The following IQCH variants were observed in gnomAD, a reference collection of about 807,000 sequenced individuals.
IQCH encodes IQ domain-containing protein H.
In IQCH, 98 loss-of-function variants were observed where a neutral mutation model predicts 117.0. The ratio of observed to expected loss-of-function variants is 0.84; its 90% CI spans 0.71 to 0.99. The LOEUF (loss-of-function observed/expected upper bound fraction) is 0.99. Among genes scored for constraint, IQCH ranks in the 50% least tolerant of loss-of-function variants. The probability of loss-of-function intolerance (pLI) is 0.00; values close to 1 mark genes in which losing one functional copy is unlikely to be tolerated. For missense variants in IQCH, 1,102 were observed against 1,243.8 expected, an observed-to-expected ratio of 0.89 and a Z score of 1.72; for synonymous variants, 412 against 448.2, an observed-to-expected ratio of 0.92 and a Z score of 1.02.
chr15:67,283,618 G>A (rs762805218), intron 4 of IQCH, among the ~76,000 whole-genome samples: 4 of 151,696 alleles, frequency 2.6e-5, no homozygotes, highest in African/African-American at 4.8e-5. Context: ...AAAGTAAGTG[G>A]GAAATATCTT....
rs909212282 is a variant in IQCH at position 67,457,890 on chromosome 15, C to T, written c.2506-7237C>T. The stretch of plus-strand genomic sequence containing the variant: ...TTTCCCCTACCAAGCTGCCCCTGTC[C>T]TTCTCCACCTTACTGCATCTTAGCC... On this transcript the variant is annotated intron_variant, in intron 16 of 20. Coordinates refer to ENST00000335894, the MANE Select transcript of IQCH (RefSeq NM_001031715.3). The surrounding 1 kb of genome is among the most constrained non-coding windows in gnomAD (Gnocchi z 5.7). Among the ~76,000 whole-genome samples the T allele has an allele frequency of 6.6e-6, 1 of 152,200 alleles. No individual in the cohort carries two copies. Among genetic ancestry groups the T allele is most frequent in the Admixed American group, 6.5e-5 (1 of 15,280 alleles).
At position 67,443,413 on chromosome 15, in the gene IQCH, TGGGGACTTGG is replaced by T. The variant is rs2082325613; in HGVS notation, c.2506-21710_2506-21701del. On this transcript the variant is annotated intron_variant, in intron 16 of 20. Coordinates refer to ENST00000335894, the MANE Select transcript of IQCH (RefSeq NM_001031715.3). This position sits in a 1 kb window ranked among gnomAD's most constrained non-coding sequence, Gnocchi z 5.0. ...GGCATAAGAATGATACAATCGACTTTGGGGACTTGGGGGAAAGAGTGGGAGGGGGTGAGGG... is the reference window on the plus strand; with the variant it reads ...GGCATAAGAATGATACAATCGACTTTGGGAAAGAGTGGGAGGGGGTGAGGG... 6.6e-6 allele frequency among the ~76,000 whole-genome samples: 1 copy of T among 152,028 alleles called. No homozygotes were observed. The highest frequency in any genetic ancestry group is 1.5e-5 in the Non-Finnish European group (1 of 68,018).
Position 67,388,711 on chromosome 15 carries a change from C to A in IQCH, c.1457-120C>A. On this transcript the variant is annotated intron_variant, in intron 11 of 20. Coordinates refer to ENST00000335894, the MANE Select transcript of IQCH (RefSeq NM_001031715.3). This position sits in a 1 kb window ranked among gnomAD's most constrained non-coding sequence, Gnocchi z 5.5. ...ATAGTACAAAACCAAACTAAATTAA[C>A]CTTAACCTGGGTTTTGGATATGCTC... 1.2e-6 allele frequency: 1 copy of A among 827,454 alleles called. No homozygotes were observed. Among genetic ancestry groups the A allele is most frequent in the East Asian group, 2.5e-5 (1 of 39,280 alleles). The allele number at this position is 827,454 out of a possible 1,614,324, so 51.3% of individuals were successfully genotyped here. A position where few individuals can be genotyped will look rare whatever the true frequency, so the allele number is the denominator to read the frequency against.
intron 16 of IQCH, among the ~76,000 whole-genome samples, chr15:67,428,763 C>T (rs1223616324): frequency 6.6e-6 from 1 of 151,074 alleles, no homozygotes; most frequent in African/African-American, 2.4e-5. Flanking sequence ...GCAGGAGAAT[C>T]GCTTGAACCC....
intron 6 of IQCH, among the ~76,000 whole-genome samples, chr15:67,350,160 A>C (rs1455457263): frequency 6.6e-6 from 1 of 152,260 alleles, no homozygotes; most frequent in Non-Finnish European, 1.5e-5. Flanking sequence ...ATTGAGGTAC[A>C]TCCATACAAT....
chr15:67,477,993 A>C (rs1042041673), intron 18 of IQCH, among the ~76,000 whole-genome samples: 5 of 152,214 alleles, frequency 3.3e-5, no homozygotes, highest in Non-Finnish European at 7.3e-5. Flanking sequence ...CAGATTTTAT[A>C]GGGGAAACAG....
rs1239293747 is a variant in IQCH, at chr15:67,454,752, TTAA to T, written c.2506-10369_2506-10367del. Among the ~76,000 whole-genome samples, 1 of 152,274 alleles carries T rather than the reference TTAA, an allele frequency of 6.6e-6. No individual in the cohort carries two copies. The highest frequency in any genetic ancestry group is 2.4e-5 in the African/African-American group (1 of 41,474). On this transcript the variant is annotated intron_variant, in intron 16 of 20. Coordinates refer to ENST00000335894, the MANE Select transcript of IQCH (RefSeq NM_001031715.3). This position sits in a 1 kb window ranked among gnomAD's most constrained non-coding sequence, Gnocchi z 5.2. ...TCAATGCTTTGTTCCTTTTCATGGC[TTAA>T]TAATATCCCATTGTACGGCTATACC...
At chr15:67,326,258 G>A (rs4133922) in intron 4 of IQCH, among the ~76,000 whole-genome samples, 101,594 of 151,944 alleles carry the variant, frequency 0.67, 34,695 homozygotes, top group Middle Eastern at 0.83. Flanking sequence ...CAGAATCATG[G>A]TTTCCAGCTT....
intron 8 of IQCH, 155 bp downstream of exon 8, chr15:67,360,040 G>GA: frequency 7.1e-6 from 4 of 562,422 alleles, no homozygotes; most frequent in Non-Finnish European, 6.3e-6. Context: ...CATGGTTTCA[G>GA]GAAAAAAAAA....
chr15:67,441,670 A>C (rs1486736036), intron 16 of IQCH, among the ~76,000 whole-genome samples: 2 of 152,222 alleles, frequency 1.3e-5, no homozygotes, highest in Non-Finnish European at 2.9e-5. Context: ...GTGCTGGGAT[A>C]ATTGACTAGC....
chr15:67,264,907 A>G (rs896700913), intron 3 of IQCH, among the ~76,000 whole-genome samples: 3 of 151,714 alleles, frequency 2.0e-5, no homozygotes, highest in African/African-American at 7.3e-5. Context: ...ATATATATAT[A>G]CAAGAGAGCC....
chr15:67,267,402 A>T (rs1299036030), intron 3 of IQCH, among the ~76,000 whole-genome samples: 2 of 152,200 alleles, frequency 1.3e-5, no homozygotes, highest in African/African-American at 4.8e-5. Flanking sequence ...TCTAATGCAG[A>T]TGATTTGTCC....
intron 3 of IQCH, among the ~76,000 whole-genome samples, chr15:67,266,346 T>C (rs1965668040): frequency 1.3e-5 from 2 of 152,264 alleles, no homozygotes; most frequent in South Asian, 4.1e-4. Context: ...TTATACTGGC[T>C]GTAATTAATA....
At position 67,403,249 on chromosome 15, in the gene IQCH, CAA is replaced by C. The variant is rs774304176; in HGVS notation, c.2097+2957_2097+2958del. ...TGGGCGACAGAGTGAGACACTGTCT[CAA>C]AAAAAAAAAAAAGTCATCTCTTTTT... On this transcript the variant is annotated intron_variant, in intron 14 of 20. Transcript: ENST00000335894. This position sits in a 1 kb window ranked among gnomAD's most constrained non-coding sequence, Gnocchi z 4.8. Among the ~76,000 whole-genome samples the C allele has an allele frequency of 6.8e-5, 8 of 118,258 alleles. No individual in the cohort carries two copies. The highest frequency in any genetic ancestry group is 7.2e-5 in the Non-Finnish European group (4 of 55,336). The allele number at this position is 118,258 out of a possible 152,430, so 77.6% of individuals were successfully genotyped here.
At chr15:67,303,021 T>A (rs1390219892) in intron 4 of IQCH, among the ~76,000 whole-genome samples, 1 of 152,190 alleles carries the variant, frequency 6.6e-6, no homozygotes, top group Non-Finnish European at 1.5e-5. Flanking sequence ...CACAGACCCT[T>A]TATAAATGCT....
intron 10 of IQCH, chr15:67,374,028 A>G (rs1005019371): frequency 5.2e-5 from 8 of 152,798 alleles, no homozygotes; most frequent in African/African-American, 1.9e-4. Flanking sequence ...GCACTAATGT[A>G]ATTATTTAAT....
At chr15:67,373,507 A>G in intron 10 of IQCH, 74 bp downstream of exon 10, 2 of 981,004 alleles carry the variant, frequency 2.0e-6, no homozygotes, top group Non-Finnish European at 3.3e-6. Context: ...GATTGAGTTC[A>G]AGGAAGGCCC....
In IQCH at chr15:67,390,780, C is replaced by T. The variant is rs528316607; in HGVS notation, c.1632+1774C>T. Among the ~76,000 whole-genome samples the T allele has an allele frequency of 6.6e-5, 10 of 152,274 alleles. No individual in the cohort carries two copies. The highest frequency in any genetic ancestry group is 3.3e-4 in the Admixed American group (5 of 15,286). On this transcript the variant is annotated intron_variant, in intron 12 of 20. Coordinates refer to ENST00000335894, the MANE Select transcript of IQCH (RefSeq NM_001031715.3). This position sits in a 1 kb window ranked among gnomAD's most constrained non-coding sequence, Gnocchi z 5.0. Reference sequence around the variant, plus strand: ...CTGGGGTTACAGGTGTGAGCCACCGCGCCCAGCCCAGTTTCTCATTTGATT... The same window carrying T: ...CTGGGGTTACAGGTGTGAGCCACCGTGCCCAGCCCAGTTTCTCATTTGATT...
chr15:67,333,975 C>T lies in IQCH; in HGVS notation c.388-3000C>T, dbSNP rs143273302. Among the ~76,000 whole-genome samples the T allele has an allele frequency of 4.6e-3, 692 of 152,086 alleles. 15 individuals are homozygous for T. In the East Asian group the frequency reaches 0.075, roughly 16 times the overall value. On this transcript the variant is annotated intron_variant, in intron 4 of 20. Transcript: ENST00000335894. ...TGGGAGGCTGAGGTGGGAGGATCAT[C>T]TGAGCTCAGGAGGTGAAGGCTGCAA...
Sources: gnomAD v4.1 joint callset for allele counts (sites outside exome capture counted in the v4.1 genomes callset) on GRCh38, gnomAD v4.1.1 for gene constraint, Gnocchi (gnomAD v3.1) non-coding constraint, MANE v1.5 for transcripts, NCBI Gene and HGNC (gene_info 2026-07-23, HGNC 2026-07-21) for gene names.